LRBA: variants seen among roughly 807,000 people sequenced by gnomAD.
LRBA encodes the protein lipopolysaccharide-responsive and beige-like anchor protein.
A neutral mutation model predicts 330.0 loss-of-function variants in LRBA; 176 were observed. The observed-to-expected ratio is 0.53, with a 90% CI of 0.47 to 0.60. The LOEUF (loss-of-function observed/expected upper bound fraction) is 0.60, where lower values mean the gene tolerates loss of function less well. LRBA is among the 20% of genes least tolerant of loss of function. The probability of loss-of-function intolerance (pLI) is 0.00; values close to 1 mark genes in which losing one functional copy is unlikely to be tolerated. For missense variants in LRBA, 3,259 were observed against 3,444.8 expected (o/e 0.95, Z 1.35); for synonymous variants, 1,230 against 1,193.0 (o/e 1.03, Z -0.64).
chr4:150,852,153 C>T lies in LRBA; in HGVS notation c.3557G>A (p.Gly1186Glu). Residue 1186 changes from glycine to glutamate, a missense_variant, in exon 23 of 57, where the codon GGG (glycine) becomes GAG (glutamate). Physicochemically the swap from Gly to Glu is moderately conservative, Grantham distance 98. Transcript: ENST00000651943. ...DSGIQTMTASGSSAMSPETTV... is the reference protein window; with the variant it reads ...DSGIQTMTASESSAMSPETTV... ...AGTTTCTGGTGACATAGCTGAAGAC[C>T]CTGATGCTGTCATAGTCTGAATTCC... The T allele has an allele frequency of 1.2e-6, 2 of 1,613,986 alleles. No homozygotes were observed. The highest frequency in any genetic ancestry group is 2.2e-5 in the South Asian group (2 of 91,070).
At chr4:150,876,992 G>A (rs1034137821) in intron 17 of LRBA, among the ~76,000 whole-genome samples, 6 of 152,048 alleles carry the variant, frequency 3.9e-5, no homozygotes, top group Non-Finnish European at 7.4e-5. Context: ...AGTGGCTCAC[G>A]CCTGTAATCC....
intron 36 of LRBA, among the ~76,000 whole-genome samples, chr4:150,699,957 C>G (rs1020883544): frequency 6.6e-5 from 10 of 152,078 alleles, no homozygotes; most frequent in Non-Finnish European, 1.0e-4. Flanking sequence ...TCAAAATGCT[C>G]CAAAATCTGA....
chr4:150,473,026 A>G (rs1306767666), intron 42 of LRBA, among the ~76,000 whole-genome samples: 1 of 151,916 alleles, frequency 6.6e-6, no homozygotes, highest in Non-Finnish European at 1.5e-5. Flanking sequence ...TTGTATGTTG[A>G]GTTTATCTTT....
Position 150,516,217 on chromosome 4 carries a change from C to CTTTTTTTTTTTTTTTTTTTTTTT in LRBA, c.6331-25205_6331-25183dup, listed in dbSNP as rs869205771. Among the ~76,000 whole-genome samples, 4 of 29,412 alleles carry CTTTTTTTTTTTTTTTTTTTTTTT rather than the reference C, an allele frequency of 1.4e-4. 1 individual carries two copies. The highest frequency in any genetic ancestry group is 3.3e-4 in the African/African-American group (4 of 12,178). 19.3% of individuals were successfully genotyped at this position (29,412 alleles called of 152,430 possible). On this transcript the variant is annotated intron_variant, in intron 40 of 56. Coordinates refer to ENST00000651943, the MANE Select transcript of LRBA (RefSeq NM_001364905.1). ...AATTCAGTCTGACATTTTCTATTCTCTTTTTTTTTTTTTTTTTTTTTTTTT... is the reference window on the plus strand; with the variant it reads ...AATTCAGTCTGACATTTTCTATTCTCTTTTTTTTTTTTTTTTTTTTTTTTTTTTTTTTTTTTTTTTTTTTTTTT...
intron 44 of LRBA, among the ~76,000 whole-genome samples, chr4:150,440,449 A>G (rs1751675392): frequency 6.6e-6 from 1 of 152,116 alleles, no homozygotes; most frequent in Admixed American, 6.6e-5. Flanking sequence ...TAAAATGTAG[A>G]GTATTAGGTC....
intron 37 of LRBA, among the ~76,000 whole-genome samples, chr4:150,656,384 G>T (rs1233337341): frequency 1.3e-5 from 2 of 152,110 alleles, no homozygotes; most frequent in African/African-American, 4.8e-5. Flanking sequence ...GTTAGAGAAG[G>T]CTTATTTTGT....
chr4:150,965,706 ATTTT>A (rs1257657642), intron 2 of LRBA, among the ~76,000 whole-genome samples: 1 of 142,026 alleles, frequency 7.0e-6, no homozygotes, highest in Non-Finnish European at 1.5e-5. Context: ...TGCCCGGCTA[ATTTT>A]TTTTTTTTTT....
intron 50 of LRBA, among the ~76,000 whole-genome samples, chr4:150,319,188 C>T (rs1025040977): frequency 6.6e-6 from 1 of 151,672 alleles, no homozygotes; most frequent in African/African-American, 2.4e-5. Flanking sequence ...GCTCAGTTCC[C>T]GTTGAGCCAG....
At chr4:150,456,549 G>C (rs1007572991) in intron 44 of LRBA, among the ~76,000 whole-genome samples, 1 of 152,044 alleles carries the variant, frequency 6.6e-6, no homozygotes, top group Non-Finnish European at 1.5e-5. Context: ...AGACCTGCTT[G>C]AGCTCCTTAC....
chr4:150,658,487 A>G (rs1332198997), intron 37 of LRBA, among the ~76,000 whole-genome samples: 1 of 108,448 alleles, frequency 9.2e-6, no homozygotes, highest in Non-Finnish European at 2.0e-5. Context: ...AACTTGAAAA[A>G]CCTATCAGAA....
intron 36 of LRBA, among the ~76,000 whole-genome samples, chr4:150,690,721 C>CA (rs1260052098): frequency 1.6e-4 from 24 of 149,946 alleles, no homozygotes; most frequent in Admixed American, 2.7e-4. Flanking sequence ...TAATATCATA[C>CA]AAAAAATACT....
At chr4:150,639,767 ATATATATATATATATGTG>A (rs1561457206) in intron 37 of LRBA, among the ~76,000 whole-genome samples, 654 of 6,748 alleles carry the variant, frequency 0.097, 83 homozygotes, top group African/African-American at 0.24. Context: ...ATATATATAT[ATATATATATATATATGTG>A]TGTGTGTATA....
intron 2 of LRBA, among the ~76,000 whole-genome samples, chr4:151,010,349 T>C (rs1031968256): frequency 1.3e-5 from 2 of 152,212 alleles, no homozygotes; most frequent in African/African-American, 2.4e-5. Context: ...GTCTAAAAGT[T>C]TGACAAATTA....
At chr4:150,804,385 T>C (rs758129517) in intron 33 of LRBA, among the ~76,000 whole-genome samples, 3 of 152,280 alleles carry the variant, frequency 2.0e-5, no homozygotes, top group Middle Eastern at 3.4e-3. Context: ...AACTAAAGCT[T>C]CATATGTACC....
At chr4:150,921,849 C>T (rs1051837936) in intron 4 of LRBA, among the ~76,000 whole-genome samples, 4 of 152,196 alleles carry the variant, frequency 2.6e-5, no homozygotes, top group African/African-American at 9.7e-5. Flanking sequence ...CCTCACCCTC[C>T]CAAGTAGCTG....
intron 35 of LRBA, among the ~76,000 whole-genome samples, chr4:150,740,430 A>G (rs1731790342): frequency 1.3e-5 from 2 of 152,106 alleles, no homozygotes; most frequent in Admixed American, 6.6e-5. Flanking sequence ...ATCCAAAAGA[A>G]AAATGTAAAC....
chr4:150,909,056 TAC>T (rs1293519655), intron 9 of LRBA, among the ~76,000 whole-genome samples, 199 bp from the exon 10 acceptor site: 1 of 152,226 alleles, frequency 6.6e-6, no homozygotes. Context: ...ATTAAAACCT[TAC>T]CTTAAAAATG....
chr4:150,491,060 G>T (rs764650607), intron 40 of LRBA, 25 bp from the exon 41 acceptor site: 1 of 1,185,372 alleles, frequency 8.4e-7, no homozygotes, highest in South Asian at 1.6e-5. Flanking sequence ...AATAATCCCA[G>T]GTAAGTAACA....
intron 53 of LRBA, among the ~76,000 whole-genome samples, chr4:150,289,836 T>G (rs1748618853): frequency 6.6e-6 from 1 of 152,218 alleles, no homozygotes; most frequent in Admixed American, 6.5e-5. Flanking sequence ...ATAGCAGATA[T>G]ATGATATGGG....
Sources: gnomAD v4.1 joint callset for allele counts (sites outside exome capture counted in the v4.1 genomes callset) on GRCh38, gnomAD v4.1.1 for gene constraint, MANE v1.5 for transcripts, NCBI Gene and HGNC (gene_info 2026-07-23, HGNC 2026-07-21) for gene names.